The following ADGRL3 variants were observed in gnomAD, a reference collection of about 807,000 sequenced individuals.
ADGRL3 encodes the protein calcium-independent alpha-latrotoxin receptor 3.
Under a neutral mutation model 153.5 loss-of-function variants are expected in ADGRL3, and 62 were observed. The observed-to-expected ratio is 0.40, with a 90% CI of 0.33 to 0.50. The LOEUF is 0.50. Ranked by LOEUF, ADGRL3 falls within the 20% of genes least tolerant of loss-of-function variation. The pLI, the probability that ADGRL3 is intolerant of heterozygous loss-of-function variation, is 0.47. For synonymous variants in ADGRL3, 710 were observed against 672.5 expected, an observed-to-expected ratio of 1.06 and a Z score of -0.86; for missense variants, 1,641 against 1,859.4, an observed-to-expected ratio of 0.88 and a Z score of 2.16.
At chr4:61,877,657 C>T (rs1242469420) in intron 9 of ADGRL3, among the ~76,000 whole-genome samples, 1 of 152,128 alleles carries the variant, frequency 6.6e-6, no homozygotes, top group Non-Finnish European at 1.5e-5. Context: ...GCTAAAAGTC[C>T]AAGCTTCAAC....
At chr4:61,295,161 C>G (rs2094364880) in intron 1 of ADGRL3, among the ~76,000 whole-genome samples, 1 of 152,132 alleles carries the variant, frequency 6.6e-6, no homozygotes, top group African/African-American at 2.4e-5. Context: ...TGGGCCCCAT[C>G]CTTCCGTCAC....
At chr4:61,966,048 ATAC>A (rs1362577871) in intron 17 of ADGRL3, among the ~76,000 whole-genome samples, 2 of 152,192 alleles carry the variant, frequency 1.3e-5, no homozygotes, top group Non-Finnish European at 2.9e-5. Context: ...TTAAAATGCA[ATAC>A]ATTTATTCAT....
At chr4:61,938,938 T>TA (rs2098855463) in intron 15 of ADGRL3, among the ~76,000 whole-genome samples, 2 of 151,302 alleles carry the variant, frequency 1.3e-5, no homozygotes, top group South Asian at 4.2e-4. Flanking sequence ...TTCTTCCACT[T>TA]GATTCTAAGG....
chr4:61,798,767 G>A (rs953163677), intron 8 of ADGRL3, among the ~76,000 whole-genome samples: 14 of 151,284 alleles, frequency 9.3e-5, no homozygotes, highest in African/African-American at 3.4e-4. Flanking sequence ...ACAGGCACAT[G>A]CCACTATACA....
chr4:61,342,731 C>T (rs953638349), intron 1 of ADGRL3, among the ~76,000 whole-genome samples: 1 of 152,060 alleles, frequency 6.6e-6, no homozygotes, highest in Non-Finnish European at 1.5e-5. Flanking sequence ...CTTGCCAAAC[C>T]CTTAAACTTC....
intron 8 of ADGRL3, among the ~76,000 whole-genome samples, chr4:61,764,951 C>T (rs1005177117): frequency 1.2e-4 from 18 of 151,494 alleles, no homozygotes; most frequent in African/African-American, 3.2e-4. Flanking sequence ...GGCCTGGATA[C>T]GGTTTTGGAT....
chr4:61,813,882 T>C lies in ADGRL3; in HGVS notation c.1473T>C (p.Ser491=), dbSNP rs763251045. The part of the protein sequence containing the change: ...IHLDSELERP[S]VKDISTTGPL... ...TTGACTCTGAGCTAGAAAGACCCTCTGTTAAAGGTGAGTTTTTCTTTATAT... is the reference window on the plus strand; with the variant it reads ...TTGACTCTGAGCTAGAAAGACCCTCCGTTAAAGGTGAGTTTTTCTTTATAT... The change falls in exon 9 of 27, where the codon TCT becomes TCC. Residue 491 remains serine, a synonymous_variant. Coordinates refer to ENST00000683033, the MANE Select transcript of ADGRL3 (RefSeq NM_001387552.1). 1.3e-6 allele frequency: 2 copies of C among 1,596,736 alleles called. No homozygotes were observed. The highest frequency in any genetic ancestry group is 2.2e-5 in the South Asian group (2 of 90,658).
intron 1 of ADGRL3, among the ~76,000 whole-genome samples, chr4:61,237,082 T>C (rs1272012472): frequency 6.6e-6 from 1 of 152,174 alleles, no homozygotes; most frequent in African/African-American, 2.4e-5. Flanking sequence ...TTTTACATTA[T>C]GGTTGTTGCA....
At chr4:61,964,101 T>C (rs1302022769) in intron 17 of ADGRL3, among the ~76,000 whole-genome samples, 2 of 152,224 alleles carry the variant, frequency 1.3e-5, no homozygotes, top group African/African-American at 4.8e-5. Context: ...GGAATAAGAA[T>C]TAAAAATCAG....
chr4:61,921,277 A>T (rs887946588), intron 13 of ADGRL3, among the ~76,000 whole-genome samples: 2 of 152,094 alleles, frequency 1.3e-5, no homozygotes, highest in Non-Finnish European at 2.9e-5. Context: ...CTCCCACTAG[A>T]ACCTCTGCAT....
intron 6 of ADGRL3, among the ~76,000 whole-genome samples, chr4:61,701,430 A>ATTTTTTTTTTTTTTTTTTTTTTTTTTTT (rs71664995): frequency 9.5e-6 from 1 of 105,418 alleles, no homozygotes; most frequent in South Asian, 3.4e-4. Flanking sequence ...TAAAGGTACA[A>ATTTTTTTTTTTTTTTTTTTTTTTTTTTT]TTTTTTTTTT....
chr4:61,412,206 G>A (rs1466718735), intron 2 of ADGRL3, among the ~76,000 whole-genome samples: 1 of 152,070 alleles, frequency 6.6e-6, no homozygotes, highest in African/African-American at 2.4e-5. Flanking sequence ...TCAGCCTCAC[G>A]AGGGAGCTGG....
intron 9 of ADGRL3, among the ~76,000 whole-genome samples, chr4:61,830,219 G>A (rs2097854021): frequency 6.6e-6 from 1 of 151,868 alleles, no homozygotes; most frequent in Non-Finnish European, 1.5e-5. Context: ...TGTTGCCCAG[G>A]CTTCTACAAA....
At chr4:61,713,498 A>G (rs1455547179) in intron 6 of ADGRL3, among the ~76,000 whole-genome samples, 1 of 151,862 alleles carries the variant, frequency 6.6e-6, no homozygotes, top group Non-Finnish European at 1.5e-5. Flanking sequence ...TAGGTCTATT[A>G]TATTCTCTCA....
chr4:61,469,021 T>A lies in ADGRL3; in HGVS notation c.-173-28100T>A, dbSNP rs2097915541. 2.6e-5 allele frequency among the ~76,000 whole-genome samples: 4 copies of A among 152,030 alleles called. No individual in the cohort carries two copies. The South Asian group carries it at 8.3e-4, about 32-fold the overall frequency. On this transcript the variant is annotated intron_variant, in intron 2 of 26. Coordinates refer to ENST00000683033, the MANE Select transcript of ADGRL3 (RefSeq NM_001387552.1). ...AGACTGTACGCTCTACTTGTCTGGG[T>A]TTAGTCATATGACTCTTTCCCAGCT...
intron 4 of ADGRL3, among the ~76,000 whole-genome samples, chr4:61,532,846 A>G (rs185484677): frequency 6.6e-6 from 1 of 152,068 alleles, no homozygotes; most frequent in South Asian, 2.1e-4. Context: ...TAAACCTGCT[A>G]TGTGTTTGGC....
intron 1 of ADGRL3, among the ~76,000 whole-genome samples, chr4:61,214,743 C>G (rs60088708): frequency 0.022 from 3,387 of 152,074 alleles, 141 homozygotes; most frequent in African/African-American, 0.077. Context: ...GGTGACTAAT[C>G]TGGGCAACAT....
intron 21 of ADGRL3, among the ~76,000 whole-genome samples, chr4:62,007,046 T>C (rs991255968): frequency 6.6e-6 from 1 of 152,036 alleles, no homozygotes. Flanking sequence ...TGTCATTCAC[T>C]GTATCATCTT....
chr4:62,045,303 C>A (rs191285876), intron 25 of ADGRL3, among the ~76,000 whole-genome samples: 13 of 151,722 alleles, frequency 8.6e-5, no homozygotes, highest in Non-Finnish European at 1.2e-4. Flanking sequence ...CATTTTGCTG[C>A]AGTAAAAATG....
Sources: allele counts gnomAD v4.1 joint callset (sites outside exome capture counted in the v4.1 genomes callset), GRCh38; gene constraint gnomAD v4.1.1; transcripts MANE v1.5; gene names NCBI Gene and HGNC (gene_info 2026-07-23, HGNC 2026-07-21).